The following ZNF90 variants were observed in gnomAD, a reference collection of about 807,000 sequenced individuals.
The protein encoded by ZNF90 is zinc finger protein 90.
ZNF90 carries 11 observed loss-of-function variants against 12.0 expected under a neutral mutation model. That is an observed-to-expected ratio of 0.92 (90% CI 0.58 to 1.52). The LOEUF is 1.52. Among genes scored for constraint, ZNF90 ranks in the 40% most tolerant of loss-of-function variants. The pLI, the probability that ZNF90 is intolerant of heterozygous loss-of-function variation, is 0.00. For missense variants in ZNF90, 765 were observed against 711.5 expected (o/e 1.08, Z -0.86); for synonymous variants, 232 against 240.1 (o/e 0.97, Z 0.31).
chr19:20,117,189 C>T (rs1292025236), intron 3 of ZNF90, among the ~76,000 whole-genome samples: 1 of 151,818 alleles, frequency 6.6e-6, no homozygotes, highest in Non-Finnish European at 1.5e-5. Flanking sequence ...ATTACAGGTA[C>T]CTGTTACCAT....
intron 1 of ZNF90, among the ~76,000 whole-genome samples, chr19:20,081,932 T>G (rs890178724): frequency 6.6e-6 from 1 of 151,738 alleles, no homozygotes; most frequent in Non-Finnish European, 1.5e-5. Flanking sequence ...CCCCGGCTAA[T>G]TTTTTGTATT....
Position 20,120,571 on chromosome 19 carries a change from T to A in ZNF90, c.*1211T>A, listed in dbSNP as rs782170749. 3.9e-5 allele frequency among the ~76,000 whole-genome samples: 6 copies of A among 152,174 alleles called. No homozygotes were observed. Among genetic ancestry groups the A allele is most frequent in the Non-Finnish European group, 7.3e-5 (5 of 68,028 alleles). ...ACACCAGAGAGTTGATACTAAAATA[T>A]ATGTTTGCAGAAACAGTAAATATAA... On this transcript the variant is annotated 3_prime_UTR_variant, in exon 4 of 4. Coordinates refer to ENST00000418063, the MANE Select transcript of ZNF90 (RefSeq NM_007138.2).
chr19:20,116,813 G>A (rs1189232588), intron 3 of ZNF90, among the ~76,000 whole-genome samples: 1 of 152,016 alleles, frequency 6.6e-6, no homozygotes, highest in Non-Finnish European at 1.5e-5. Flanking sequence ...GGGTACTGCA[G>A]TTTCTCTGCT....
intron 3 of ZNF90, chr19:20,106,808 T>G: frequency 2.3e-6 from 1 of 439,652 alleles, no homozygotes; most frequent in South Asian, 1.6e-5. Context: ...GCCCTTAGTG[T>G]GATGAGATGC....
intron 3 of ZNF90, among the ~76,000 whole-genome samples, chr19:20,117,402 T>G (rs971695974): frequency 2.8e-5 from 4 of 143,474 alleles, no homozygotes; most frequent in African/African-American, 8.6e-5. Flanking sequence ...CTTTTCTCCT[T>G]CCTTCCTTCC....
chr19:20,081,652 G>A (rs1046459982), intron 1 of ZNF90, among the ~76,000 whole-genome samples: 3 of 152,184 alleles, frequency 2.0e-5, no homozygotes, highest in African/African-American at 7.2e-5. Context: ...CATGCATACA[G>A]AAATAAATCA....
In ZNF90 at chr19:20,084,245, C is replaced by T. The variant is rs149961593; in HGVS notation, c.3+6110C>T. 6.1e-3 allele frequency among the ~76,000 whole-genome samples: 930 copies of T among 151,952 alleles called. 9 individuals are homozygous for T. Among genetic ancestry groups the T allele is most frequent in the African/African-American group, 0.021 (878 of 41,434 alleles). ...ATTTTTTTTGTATTTTTAGTAGAGA[C>T]GGGGTTTCACCATATTGGTCAGGCT... On this transcript the variant is annotated intron_variant, in intron 1 of 3. Transcript: ENST00000418063.
rs1474477656 is a variant in ZNF90 at position 20,078,046 on chromosome 19, C to T, written c.-87C>T. 3.2e-6 allele frequency: 5 copies of T among 1,580,270 alleles called. No individual in the cohort carries two copies. Among genetic ancestry groups the T allele is most frequent in the African/African-American group, 2.7e-5 (2 of 74,284 alleles). On this transcript the variant is annotated 5_prime_UTR_variant, in exon 1 of 4. Transcript: ENST00000418063. ...GGTGCTCCAAATCTGGTCTTAGCTG[C>T]TTCGTGTCTTCTTCTCCAGCCTCTG...
intron 1 of ZNF90, among the ~76,000 whole-genome samples, chr19:20,090,452 G>A (rs1338567159): frequency 6.6e-6 from 1 of 152,158 alleles, no homozygotes; most frequent in African/African-American, 2.4e-5. Context: ...GATTAGGCTG[G>A]CTGTCCGATG....
intron 3 of ZNF90, among the ~76,000 whole-genome samples, chr19:20,108,162 A>C (rs1555704643): frequency 6.6e-6 from 1 of 152,230 alleles, no homozygotes. Flanking sequence ...CTAATTTATT[A>C]AAAGTTTCTC....
chr19:20,117,086 A>G (rs1440312883), intron 3 of ZNF90, among the ~76,000 whole-genome samples: 1 of 147,216 alleles, frequency 6.8e-6, no homozygotes, highest in African/African-American at 2.6e-5. Context: ...TCTGTTCCCT[A>G]TGCTGAAGTG....
At chr19:20,104,425 T>C in intron 2 of ZNF90, 60 bp downstream of exon 2, 1 of 1,525,502 alleles carries the variant, frequency 6.6e-7, no homozygotes, top group Non-Finnish European at 8.8e-7. Context: ...TTATGTTTTT[T>C]TGTGGAATGA....
intron 1 of ZNF90, among the ~76,000 whole-genome samples, chr19:20,100,399 T>G (rs1555703736): frequency 1.3e-5 from 2 of 152,200 alleles, no homozygotes; most frequent in African/African-American, 2.4e-5. Context: ...GCCATACATT[T>G]CAATCCCTGT....
At chr19:20,102,745 T>C (rs1305856098) in intron 1 of ZNF90, among the ~76,000 whole-genome samples, 1 of 152,222 alleles carries the variant, frequency 6.6e-6, no homozygotes, top group Non-Finnish European at 1.5e-5. Context: ...GAATATGTCA[T>C]GTTGAGGCTC....
Position 20,118,017 on chromosome 19 carries a change from C to T in ZNF90, c.463C>T (p.His155Tyr), listed in dbSNP as rs1211105846. The T allele has an allele frequency of 6.2e-6, 10 of 1,611,746 alleles. No homozygotes were observed. Among genetic ancestry groups the T allele is most frequent in the Non-Finnish European group, 8.5e-6 (10 of 1,178,920 alleles). ...FQCDTYVKVS[H>Y]IFSNSNRHKI... is the part of the protein sequence containing the mutation. ...ATGTGATACATATGTGAAAGTCTCT[C>T]ATATATTTTCAAATTCAAACAGACA... is the stretch of plus-strand genomic sequence containing the variant. The change falls in exon 4 of 4, where the codon CAT becomes TAT. Residue 155 changes from histidine (H) to tyrosine (Y), a missense_variant. His to Tyr is a moderately conservative substitution (Grantham distance 83). Coordinates refer to ENST00000418063, the MANE Select transcript of ZNF90 (RefSeq NM_007138.2).
intron 3 of ZNF90, among the ~76,000 whole-genome samples, chr19:20,113,577 C>T (rs1555705369): frequency 6.6e-6 from 1 of 151,992 alleles, no homozygotes; most frequent in Non-Finnish European, 1.5e-5. Flanking sequence ...CGATTGTAAT[C>T]CCAGCACTTT....
At position 20,118,124 on chromosome 19, in the gene ZNF90, A is replaced by G. The variant is rs782576657; in HGVS notation, c.570A>G (p.Thr190=). 1.2e-6 allele frequency: 2 copies of G among 1,610,572 alleles called. No homozygotes were observed. The highest frequency in any genetic ancestry group is 2.7e-5 in the African/African-American group (2 of 74,920). Residue 190 remains threonine, a synonymous_variant, in exon 4 of 4, where the codon ACA becomes ACG. Transcript: ENST00000418063. ...KAFNQSSTLA[T]HKKIHTGEIT... is the part of the protein sequence containing the mutation. The stretch of plus-strand genomic sequence containing the variant: ...TCAACCAGTCCTCAACCCTTGCTAC[A>G]CATAAGAAAATTCATACTGGAGAGA...
intron 1 of ZNF90, among the ~76,000 whole-genome samples, chr19:20,086,262 A>T (rs547373924): frequency 1.6e-5 from 2 of 127,402 alleles, no homozygotes; most frequent in Admixed American, 1.8e-4. Flanking sequence ...TTTGAGACAG[A>T]GTCTCACTCT....
intron 1 of ZNF90, among the ~76,000 whole-genome samples, chr19:20,082,171 G>GTAGT (rs1243377371): frequency 6.6e-6 from 1 of 152,028 alleles, no homozygotes; most frequent in Non-Finnish European, 1.5e-5. Flanking sequence ...TTATCACTGA[G>GTAGT]ATACTACGTA....
Sources: allele counts gnomAD v4.1 joint callset (sites outside exome capture counted in the v4.1 genomes callset), GRCh38; gene constraint gnomAD v4.1.1; transcripts MANE v1.5; gene names NCBI Gene and HGNC (gene_info 2026-07-23, HGNC 2026-07-21).